AKR1B10: variants seen among roughly 807,000 people sequenced by gnomAD.
AKR1B10 encodes the protein aldo-keto reductase family 1 member B10.
A neutral mutation model predicts 38.9 loss-of-function variants in AKR1B10; 39 were observed. The ratio of observed to expected loss-of-function variants is 1.00; its 90% CI spans 0.78 to 1.31. The LOEUF (loss-of-function observed/expected upper bound fraction) is 1.31. Among genes scored for constraint, AKR1B10 ranks in the 50% most tolerant of loss-of-function variants. AKR1B10 has a pLI of 0.00. For synonymous variants in AKR1B10, 148 were observed against 141.2 expected, an observed-to-expected ratio of 1.05 and a Z score of -0.34; for missense variants, 361 against 382.6, an observed-to-expected ratio of 0.94 and a Z score of 0.47.
At chr7:134,537,236 T>C in intron 6 of AKR1B10, 79 bp downstream of exon 6, 1 of 1,509,414 alleles carries the variant, frequency 6.6e-7, no homozygotes, top group Non-Finnish European at 8.9e-7. Context: ...TTGGTATGGG[T>C]CCATAAGTTA....
intron 2 of AKR1B10, 61 bp downstream of exon 2, chr7:134,530,871 G>A (rs1807836559): frequency 9.0e-6 from 14 of 1,550,228 alleles, no homozygotes; most frequent in Non-Finnish European, 1.2e-5. Context: ...ATCTGGGTCG[G>A]GTTGGCAGCA....
chr7:134,530,298 T>G (rs1807814011), intron 1 of AKR1B10, among the ~76,000 whole-genome samples: 1 of 152,208 alleles, frequency 6.6e-6, no homozygotes, highest in African/African-American at 2.4e-5. Context: ...AAAAGGGAAC[T>G]GACTTTTAGC....
At chr7:134,537,279 T>C (rs1460559014) in intron 6 of AKR1B10, 122 bp downstream of exon 6, 16 of 1,418,172 alleles carry the variant, frequency 1.1e-5, no homozygotes, top group Non-Finnish European at 1.5e-5. Context: ...GGTAACACGT[T>C]TGGTACACAC....
At chr7:134,538,475 A>C (rs1010860449) in intron 8 of AKR1B10, among the ~76,000 whole-genome samples, 198 bp downstream of exon 8, 115 of 152,252 alleles carry the variant, frequency 7.6e-4, no homozygotes, top group Non-Finnish European at 9.3e-4. Flanking sequence ...TCCTGGGGGC[A>C]GTGCCTGGTA....
rs777391952 is a variant in AKR1B10, at chr7:134,532,986, T to C, written c.352-18T>C. 5 of 1,595,386 alleles carry C rather than the reference T, an allele frequency of 3.1e-6. No homozygotes were observed. The South Asian group carries it at 5.8e-5, about 18-fold the overall frequency. The stretch of plus-strand genomic sequence containing the variant: ...TCCTGATGCAGATTCCAGTAAACTT[T>C]TCATTCTGTGTTCACAGTCTGGGGA... On this transcript the variant is annotated intron_variant, in intron 3 of 9. Transcript: ENST00000359579.
chr7:134,536,392 C>T (rs1277208294), intron 4 of AKR1B10, among the ~76,000 whole-genome samples: 1 of 152,076 alleles, frequency 6.6e-6, no homozygotes, highest in East Asian at 1.9e-4. Context: ...TGTGTTTCTT[C>T]ACGTGTAAGG....
rs1414376779 is a variant in AKR1B10 at position 134,530,797 on chromosome 7, T to C, written c.221T>C (p.Phe74Ser). 1 of 1,612,438 alleles carries C rather than the reference T, an allele frequency of 6.2e-7. No homozygotes were observed. Among genetic ancestry groups the C allele is most frequent in the Non-Finnish European group, 8.5e-7 (1 of 1,179,148 alleles). The change falls in exon 2 of 10, where the codon TTC becomes TCC. Residue 74 changes from phenylalanine (F) to serine (S), a missense_variant. By Grantham distance (155) the Phe-to-Ser change is radical. Coordinates refer to ENST00000359579, the MANE Select transcript of AKR1B10 (RefSeq NM_020299.5). ...AAGGCTGTGAAGCGGGAGGACCTGTTCATCGTCAGCAAGGTGCAATGGTGC... is the reference window on the plus strand; with the variant it reads ...AAGGCTGTGAAGCGGGAGGACCTGTCCATCGTCAGCAAGGTGCAATGGTGC... ...QEKAVKREDLFIVSKLWPTFF... is the reference protein window; with the variant it reads ...QEKAVKREDLSIVSKLWPTFF...
intron 4 of AKR1B10, among the ~76,000 whole-genome samples, chr7:134,535,954 C>G (rs1300666555): frequency 6.6e-6 from 1 of 152,288 alleles, no homozygotes; most frequent in Admixed American, 6.5e-5. Context: ...CCAATATAGG[C>G]TAAAAATTAT....
intron 4 of AKR1B10, chr7:134,535,585 CTT>C (rs58628862): frequency 0.044 from 18,004 of 408,266 alleles, 57 homozygotes; most frequent in South Asian, 0.087. Context: ...TCTTTTCTGT[CTT>C]TTTTTTTTTT....
At chr7:134,534,928 T>G (rs1374667650) in intron 4 of AKR1B10, among the ~76,000 whole-genome samples, 1 of 152,200 alleles carries the variant, frequency 6.6e-6, no homozygotes, top group Non-Finnish European at 1.5e-5. Flanking sequence ...TCCCAACGTC[T>G]AGGCTACAAC....
At chr7:134,536,516 A>C (rs1808009159) in intron 4 of AKR1B10, 134 bp from the exon 5 acceptor site, 1 of 1,408,724 alleles carries the variant, frequency 7.1e-7, no homozygotes, top group African/African-American at 1.4e-5. Context: ...CTGGACTAAA[A>C]TTTCCTGTGA....
chr7:134,541,084 T>C lies in AKR1B10; in HGVS notation c.946T>C (p.Tyr316His). 1 of 1,576,574 alleles carries C rather than the reference T, an allele frequency of 6.3e-7. No individual in the cohort carries two copies. Among genetic ancestry groups the C allele is most frequent in the Non-Finnish European group, 8.7e-7 (1 of 1,147,104 alleles). ...GGAAGACTATCCCTTCAATGCAGAA[T>C]ATTGAGGTTGAATCTCCTGGTGAGA... ...HLEDYPFNAE[Y>H] The change falls in exon 10 of 10, where the codon TAT becomes CAT. Residue 316 changes from tyrosine to histidine, a missense_variant. By Grantham distance (83) the Tyr-to-His change is moderately conservative (BLOSUM62 2). Transcript: ENST00000359579.
Position 134,531,907 on chromosome 7 carries a change from G to A in AKR1B10, c.235-1G>A. 1.2e-6 allele frequency: 2 copies of A among 1,614,078 alleles called. No homozygotes were observed. Among genetic ancestry groups the A allele is most frequent in the Non-Finnish European group, 1.7e-6 (2 of 1,179,958 alleles). ...ATAGCTCATTGCTACACTCTTTGCA[G>A]TTGTGGCCCACTTTCTTTGAGAGAC... On this transcript the variant is annotated splice_acceptor_variant, in intron 2 of 9. Transcript: ENST00000359579. LOFTEE classifies it high-confidence loss of function.
At chr7:134,535,918 T>C (rs1037910716) in intron 4 of AKR1B10, among the ~76,000 whole-genome samples, 2 of 152,348 alleles carry the variant, frequency 1.3e-5, no homozygotes, top group East Asian at 3.9e-4. Context: ...ACATGTATGG[T>C]ATCTTTGGGC....
Position 134,537,660 on chromosome 7 carries a change from A to C in AKR1B10, c.740A>C (p.Gln247Pro). ...GCAAAGCACAAAAAAACCGCAGCCC[A>C]GGTGCCATATTTTTATTTTTCTTGT... is the stretch of plus-strand genomic sequence containing the variant. Reference protein sequence around the residue: ...IAAKHKKTAAQVLIRFHIQRN... With the variant: ...IAAKHKKTAAPVLIRFHIQRN... Residue 247 changes from glutamine to proline, a missense_variant and splice_region_variant, in exon 7 of 10, where the codon CAG (glutamine) becomes CCG (proline). Physicochemically the swap from Gln to Pro is moderately conservative, Grantham distance 76 (BLOSUM62 -1). Around this residue, in one of 3 missense-constraint regions of AKR1B10, gnomAD observed 132 missense variants for 134.6 expected, o/e 0.98. Coordinates refer to ENST00000359579, the MANE Select transcript of AKR1B10 (RefSeq NM_020299.5). The C allele has an allele frequency of 1.2e-6, 2 of 1,614,098 alleles. No homozygotes were observed. The highest frequency in any genetic ancestry group is 1.7e-6 in the Non-Finnish European group (2 of 1,179,964).
At position 134,527,787 on chromosome 7, in the gene AKR1B10, A is replaced by G; in HGVS notation, c.-125A>G. On this transcript the variant is annotated 5_prime_UTR_variant, in exon 1 of 10. Transcript: ENST00000359579. ...CTTGAACCCAGGAGACAGAGGTTGTAGTGAGCTGAGATCGCACCACTGCAC... is the reference window on the plus strand; with the variant it reads ...CTTGAACCCAGGAGACAGAGGTTGTGGTGAGCTGAGATCGCACCACTGCAC... 1.4e-6 allele frequency: 2 copies of G among 1,394,880 alleles called. No homozygotes were observed. The highest frequency in any genetic ancestry group is 1.4e-5 in the African/African-American group (1 of 70,520). The allele number at this position is 1,394,880 out of a possible 1,614,324, so 86.4% of individuals were successfully genotyped here. A position where few individuals can be genotyped will look rare whatever the true frequency, so the allele number is the denominator to read the frequency against.
intron 4 of AKR1B10, among the ~76,000 whole-genome samples, chr7:134,535,917 G>A (rs1469097377): frequency 6.6e-6 from 1 of 152,204 alleles, no homozygotes; most frequent in Non-Finnish European, 1.5e-5. Flanking sequence ...AACATGTATG[G>A]TATCTTTGGG....
chr7:134,529,725 A>G (rs1807798711), intron 1 of AKR1B10, among the ~76,000 whole-genome samples: 1 of 152,114 alleles, frequency 6.6e-6, no homozygotes, highest in South Asian at 2.1e-4. Flanking sequence ...TGCCCCCATC[A>G]TTGGCTTGGC....
chr7:134,540,388 C>T (rs1430184644), intron 9 of AKR1B10, among the ~76,000 whole-genome samples: 1 of 61,702 alleles, frequency 1.6e-5, no homozygotes, highest in African/African-American at 6.9e-5. Context: ...GAAGGGTGAA[C>T]GTAAAGTGGG....
Sources: gnomAD v4.1 joint callset for allele counts (sites outside exome capture counted in the v4.1 genomes callset) on GRCh38, gnomAD v4.1.1 for gene constraint, gnomAD v4.1.1 regional missense constraint, MANE v1.5 for transcripts, NCBI Gene and HGNC (gene_info 2026-07-23, HGNC 2026-07-21) for gene names.